JAZF1: variants seen among roughly 807,000 people sequenced by gnomAD.
JAZF1 encodes the protein JAZF zinc finger 1, also known as juxtaposed with another zinc finger protein 1.
JAZF1 carries 8 observed loss-of-function variants against 26.4 expected under a neutral mutation model. That is an observed-to-expected ratio of 0.30 (90% CI 0.18 to 0.55). JAZF1 has a LOEUF of 0.55. JAZF1 is among the 20% of genes least tolerant of loss of function. The pLI is 0.94. For missense variants in JAZF1, 199 were observed against 322.0 expected (o/e 0.62, Z 2.92); for synonymous variants, 126 against 122.3 (o/e 1.03, Z -0.20).
intron 3 of JAZF1, among the ~76,000 whole-genome samples, chr7:27,893,552 TC>T (rs1168296422): frequency 2.0e-5 from 3 of 152,172 alleles, no homozygotes; most frequent in South Asian, 2.1e-4. Context: ...GTGACATTGC[TC>T]CCCCTTTCCT....
chr7:27,881,768 A>C (rs888306358), intron 3 of JAZF1, among the ~76,000 whole-genome samples: 1 of 152,140 alleles, frequency 6.6e-6, no homozygotes, highest in Admixed American at 6.5e-5. Context: ...CACCAACAGA[A>C]ATGCATATCG....
intron 3 of JAZF1, among the ~76,000 whole-genome samples, chr7:27,868,184 C>T (rs758341761): frequency 2.0e-5 from 3 of 152,240 alleles, no homozygotes; most frequent in East Asian, 1.9e-4. Flanking sequence ...TGAACAGACA[C>T]GTGAGTTCAC....
At chr7:28,068,776 C>G (rs984278334) in intron 1 of JAZF1, among the ~76,000 whole-genome samples, 1 of 152,146 alleles carries the variant, frequency 6.6e-6, no homozygotes, top group East Asian at 1.9e-4. Flanking sequence ...ACACTGTTGG[C>G]CACTTTGTTT....
intron 1 of JAZF1, among the ~76,000 whole-genome samples, chr7:28,110,484 AAAGGAAAGGAAAGG>A (rs752312471): frequency 1.6e-3 from 93 of 56,624 alleles, no homozygotes; most frequent in African/African-American, 4.2e-3. Context: ...AAAGGAAAGG[AAAGGAAAGGAAAGG>A]AAAGGAAAAG....
rs561443946 is a variant in JAZF1 at position 28,028,487 on chromosome 7, G to T, written c.116-36506C>A. 3.5e-4 allele frequency among the ~76,000 whole-genome samples: 53 copies of T among 152,312 alleles called. No individual in the cohort carries two copies. The South Asian group carries it at 0.01, about 30-fold the overall frequency. The stretch of plus-strand genomic sequence containing the variant: ...CCATTGAATCTGCTGAAGGCAATAT[G>T]TAGAGATGTTGCAACATTCTTCTCT... On this transcript the variant is annotated intron_variant, in intron 1 of 4. Coordinates refer to ENST00000283928, the MANE Select transcript of JAZF1 (RefSeq NM_175061.4).
intron 1 of JAZF1, among the ~76,000 whole-genome samples, chr7:28,079,247 C>A (rs1784099564): frequency 6.6e-6 from 1 of 152,126 alleles, no homozygotes; most frequent in African/African-American, 2.4e-5. Context: ...CCTGCTTGGG[C>A]CTCCCAAAGT....
intron 1 of JAZF1, among the ~76,000 whole-genome samples, chr7:28,002,027 G>A (rs17156135): frequency 2.6e-5 from 4 of 152,078 alleles, no homozygotes; most frequent in South Asian, 2.1e-4. Context: ...GAACTCAAAG[G>A]GGAGATAAAA....
At chr7:28,125,259 T>TC (rs1407556993) in intron 1 of JAZF1, among the ~76,000 whole-genome samples, 1 of 151,826 alleles carries the variant, frequency 6.6e-6, no homozygotes, top group African/African-American at 2.4e-5. Flanking sequence ...AATTCAGTTT[T>TC]CCCCCCTAAA....
At chr7:27,994,583 G>A (rs1785976877) in intron 1 of JAZF1, among the ~76,000 whole-genome samples, 2 of 152,090 alleles carry the variant, frequency 1.3e-5, no homozygotes, top group South Asian at 2.1e-4. Flanking sequence ...CATCCACCAG[G>A]TCCCCAAATC....
rs563183998 is a variant in JAZF1, at chr7:28,095,340, G to T, written c.115+85123C>A. On this transcript the variant is annotated intron_variant, in intron 1 of 4. Transcript: ENST00000283928. ...TTCAGCATTATCGGGGAGGCCTCAGGAAACTTACGATCATGGCGGATGGTG... is the reference window on the plus strand; with the variant it reads ...TTCAGCATTATCGGGGAGGCCTCAGTAAACTTACGATCATGGCGGATGGTG... Among the ~76,000 whole-genome samples the T allele has an allele frequency of 5.6e-4, 85 of 152,260 alleles. 1 individual carries two copies. Among genetic ancestry groups the T allele is most frequent in the African/African-American group, 1.9e-3 (81 of 41,546 alleles).
intron 2 of JAZF1, among the ~76,000 whole-genome samples, chr7:27,899,968 G>A (rs1334738353): frequency 6.6e-6 from 1 of 152,194 alleles, no homozygotes; most frequent in Non-Finnish European, 1.5e-5. Flanking sequence ...TCCTCTGGCG[G>A]TTTACATGGG....
intron 2 of JAZF1, among the ~76,000 whole-genome samples, chr7:27,915,452 A>G: frequency 6.6e-6 from 1 of 152,206 alleles, no homozygotes; most frequent in Non-Finnish European, 1.5e-5. Context: ...TGCCTAATTA[A>G]TCAAGGTGCA....
At chr7:28,107,110 A>G (rs1046035667) in intron 1 of JAZF1, among the ~76,000 whole-genome samples, 1 of 152,236 alleles carries the variant, frequency 6.6e-6, no homozygotes, top group African/African-American at 2.4e-5. Context: ...CATCGAATTA[A>G]TCTGCCACCT....
chr7:27,988,920 T>TAAAAAAAAAAAAAAAAAAAAA (rs57661404), intron 2 of JAZF1, among the ~76,000 whole-genome samples: 1 of 83,770 alleles, frequency 1.2e-5, no homozygotes, highest in Non-Finnish European at 2.2e-5. Context: ...AGAATCTCTG[T>TAAAAAAAAAAAAAAAAAAAAA]AAAAAAAAAA....
chr7:27,937,615 A>G (rs1784778734), intron 2 of JAZF1, among the ~76,000 whole-genome samples: 1 of 152,232 alleles, frequency 6.6e-6, no homozygotes, highest in Non-Finnish European at 1.5e-5. Context: ...GAATAGGTTT[A>G]CTGCTTATAA....
intron 1 of JAZF1, among the ~76,000 whole-genome samples, chr7:28,116,132 T>C (rs868500548): frequency 1.3e-4 from 20 of 152,330 alleles, no homozygotes; most frequent in African/African-American, 4.8e-4. Flanking sequence ...GGTCACTGCA[T>C]ATGTATTCAG....
intron 2 of JAZF1, among the ~76,000 whole-genome samples, chr7:27,933,744 G>C (rs1005791885): frequency 3.3e-5 from 5 of 152,100 alleles, no homozygotes; most frequent in Non-Finnish European, 5.9e-5. Context: ...TTCTCACACA[G>C]ACATGCATAC....
Position 28,174,821 on chromosome 7 carries a change from G to GGTGGGTGTGTGTGTGTGTGTGT in JAZF1, c.115+5641_115+5642insACACACACACACACACACCCAC, listed in dbSNP as rs1554293530. On this transcript the variant is annotated intron_variant, in intron 1 of 4. Coordinates refer to ENST00000283928, the MANE Select transcript of JAZF1 (RefSeq NM_175061.4). ...CCTGATCCTGCCTATGGGGTGTGTG[G>GGTGGGTGTGTGTGTGTGTGTGT]GTGTGTGTGTGTGTGTGTGTGTGTG... Among the ~76,000 whole-genome samples the GGTGGGTGTGTGTGTGTGTGTGT allele has an allele frequency of 3.7e-5, 4 of 107,690 alleles. 1 individual carries two copies. Among genetic ancestry groups the GGTGGGTGTGTGTGTGTGTGTGT allele is most frequent in the African/African-American group, 1.1e-4 (4 of 35,750 alleles). The allele number at this position is 107,690 out of a possible 152,430, so 70.6% of individuals were successfully genotyped here. A position where few individuals can be genotyped will look rare whatever the true frequency, so the allele number is the denominator to read the frequency against.
At chr7:27,995,197 A>G (rs1386493110) in intron 1 of JAZF1, among the ~76,000 whole-genome samples, 6 of 152,250 alleles carry the variant, frequency 3.9e-5, no homozygotes, top group Non-Finnish European at 8.8e-5. Context: ...GCACACATTT[A>G]TGGTGCCGAT....
Sources: gnomAD v4.1 joint callset for allele counts (sites outside exome capture counted in the v4.1 genomes callset) on GRCh38, gnomAD v4.1.1 for gene constraint, MANE v1.5 for transcripts, NCBI Gene and HGNC (gene_info 2026-07-23, HGNC 2026-07-21) for gene names.